ATP8A2: variants seen among roughly 807,000 people sequenced by gnomAD.
ATP8A2 encodes the protein ATPase phospholipid transporting 8A2, also known as phospholipid-transporting ATPase IB.
In ATP8A2, 100 loss-of-function variants were observed where a neutral mutation model predicts 165.6. The ratio of observed to expected loss-of-function variants is 0.60; its 90% CI spans 0.51 to 0.71. The LOEUF is 0.71. ATP8A2 is among the 30% of genes least tolerant of loss of function. ATP8A2 has a pLI of 0.00. For missense variants in ATP8A2, 1,227 were observed against 1,479.5 expected, an observed-to-expected ratio of 0.83 and a Z score of 2.80; for synonymous variants, 543 against 548.8, an observed-to-expected ratio of 0.99 and a Z score of 0.15.
intron 24 of ATP8A2, among the ~76,000 whole-genome samples, chr13:25,674,031 G>A (rs1236233796): frequency 1.3e-5 from 2 of 152,188 alleles, no homozygotes; most frequent in Non-Finnish European, 2.9e-5. Flanking sequence ...ATCCTACCTG[G>A]CTTTGGTTCC....
intron 13 of ATP8A2, among the ~76,000 whole-genome samples, chr13:25,555,673 C>T (rs994259337): frequency 3.3e-5 from 5 of 151,750 alleles, no homozygotes; most frequent in African/African-American, 1.2e-4. Flanking sequence ...ATGTGCAGGT[C>T]TGTTTTGTGG....
At chr13:25,700,606 G>A (rs868846046) in intron 25 of ATP8A2, among the ~76,000 whole-genome samples, 3 of 152,138 alleles carry the variant, frequency 2.0e-5, no homozygotes, top group African/African-American at 7.2e-5. Flanking sequence ...ATTTCTCAAT[G>A]TATGAGAATT....
At chr13:25,614,465 G>A (rs2040770138) in intron 24 of ATP8A2, among the ~76,000 whole-genome samples, 1 of 151,884 alleles carries the variant, frequency 6.6e-6, no homozygotes, top group Non-Finnish European at 1.5e-5. Context: ...CCTTTCTCTG[G>A]TGCCTCCTTG....
intron 1 of ATP8A2, among the ~76,000 whole-genome samples, chr13:25,380,868 G>T (rs944307733): frequency 1.3e-5 from 2 of 152,104 alleles, no homozygotes; most frequent in African/African-American, 4.8e-5. Flanking sequence ...CTAAAGCCAC[G>T]TCTTTGGATT....
chr13:25,818,965 A>G (rs1239568465), intron 27 of ATP8A2, among the ~76,000 whole-genome samples: 1 of 152,188 alleles, frequency 6.6e-6, no homozygotes, highest in African/African-American at 2.4e-5. Context: ...CTTCTACATA[A>G]TTCTTTGAAG....
intron 2 of ATP8A2, among the ~76,000 whole-genome samples, chr13:25,504,987 T>C (rs1480399844): frequency 6.6e-6 from 1 of 152,126 alleles, no homozygotes; most frequent in African/African-American, 2.4e-5. Context: ...TTTACAGTTA[T>C]TGTTTAGTTG....
intron 24 of ATP8A2, among the ~76,000 whole-genome samples, chr13:25,639,277 T>C (rs1376296462): frequency 6.6e-6 from 1 of 152,210 alleles, no homozygotes; most frequent in East Asian, 1.9e-4. Context: ...GTAAATGGGC[T>C]GAATGCTCCA....
At chr13:25,716,036 T>C (rs2138005041) in intron 25 of ATP8A2, among the ~76,000 whole-genome samples, 1 of 152,340 alleles carries the variant, frequency 6.6e-6, no homozygotes, top group East Asian at 1.9e-4. Context: ...AAGTGGTATT[T>C]CACTGTGGTT....
At chr13:25,417,032 G>C (rs1566116791) in intron 1 of ATP8A2, among the ~76,000 whole-genome samples, 4 of 151,856 alleles carry the variant, frequency 2.6e-5, no homozygotes, top group Non-Finnish European at 5.9e-5. Context: ...CTATCTCGGG[G>C]GGTGGTTTAG....
intron 24 of ATP8A2, among the ~76,000 whole-genome samples, chr13:25,612,395 A>G (rs1460604216): frequency 1.3e-5 from 2 of 152,164 alleles, no homozygotes; most frequent in South Asian, 2.1e-4. Context: ...TGTTGACCCA[A>G]TGATCATTCA....
intron 25 of ATP8A2, among the ~76,000 whole-genome samples, chr13:25,702,391 T>G (rs1217602479): frequency 2.6e-5 from 4 of 152,220 alleles, no homozygotes; most frequent in Admixed American, 1.3e-4. Context: ...ATTTGCTAAT[T>G]ATGCATTTCT....
chr13:25,729,784 T>A (rs1379796835), intron 25 of ATP8A2, among the ~76,000 whole-genome samples: 1 of 152,206 alleles, frequency 6.6e-6, no homozygotes, highest in African/African-American at 2.4e-5. Context: ...CTCATCACTC[T>A]AGCACTTCCT....
At chr13:25,657,868 A>C (rs969034500) in intron 24 of ATP8A2, among the ~76,000 whole-genome samples, 4 of 152,222 alleles carry the variant, frequency 2.6e-5, no homozygotes, top group African/African-American at 9.6e-5. Context: ...AACCTGGCCC[A>C]GAAGTAGCAG....
chr13:25,999,848 A>G (rs866291444), intron 35 of ATP8A2, among the ~76,000 whole-genome samples: 59 of 152,226 alleles, frequency 3.9e-4, no homozygotes, highest in African/African-American at 1.1e-3. Flanking sequence ...GAATTTCTGG[A>G]GGGCTCGTAG....
At chr13:25,833,676 A>G (rs1487271409) in intron 28 of ATP8A2, among the ~76,000 whole-genome samples, 1 of 152,194 alleles carries the variant, frequency 6.6e-6, no homozygotes, top group African/African-American at 2.4e-5. Flanking sequence ...CTATATAGAA[A>G]AATTAATTCC....
At chr13:26,013,225 G>A (rs1473711024) in intron 36 of ATP8A2, among the ~76,000 whole-genome samples, 1 of 151,982 alleles carries the variant, frequency 6.6e-6, no homozygotes, top group African/African-American at 2.4e-5. Flanking sequence ...CCTTCCCCAG[G>A]GCCAAGGCCA....
intron 25 of ATP8A2, among the ~76,000 whole-genome samples, chr13:25,755,875 C>G (rs571442608): frequency 1.4e-3 from 211 of 152,214 alleles, no homozygotes; most frequent in African/African-American, 4.8e-3. Context: ...CCACTGCACT[C>G]CAACCCCAGA....
chr13:25,758,742 G>T (rs746453599), intron 25 of ATP8A2, among the ~76,000 whole-genome samples: 5 of 152,254 alleles, frequency 3.3e-5, no homozygotes, highest in Non-Finnish European at 5.9e-5. Context: ...ATCACTGGAA[G>T]TCATTTTCAT....
chr13:25,380,214 G>A (rs2032788731), intron 1 of ATP8A2, among the ~76,000 whole-genome samples: 1 of 152,210 alleles, frequency 6.6e-6, no homozygotes, highest in Non-Finnish European at 1.5e-5. Context: ...AGGGAGATGA[G>A]AGATGAGGGA....
Sources: gnomAD v4.1 joint callset for allele counts (sites outside exome capture counted in the v4.1 genomes callset) on GRCh38, gnomAD v4.1.1 for gene constraint, MANE v1.5 for transcripts, NCBI Gene and HGNC (gene_info 2026-07-23, HGNC 2026-07-21) for gene names.